AFDN: variants seen among roughly 807,000 people sequenced by gnomAD.
AFDN encodes afadin.
In AFDN, 68 loss-of-function variants were observed where a neutral mutation model predicts 216.6. The ratio of observed to expected loss-of-function variants is 0.31; its 90% CI spans 0.26 to 0.38. The LOEUF is 0.38. AFDN is among the 10% of genes least tolerant of loss of function. The pLI, the probability that AFDN is intolerant of heterozygous loss-of-function variation, is 1.00. For missense variants in AFDN, 2,136 were observed against 2,342.0 expected (o/e 0.91, Z 1.82); for synonymous variants, 868 against 853.7 (o/e 1.02, Z -0.29).
In AFDN at chr6:167,827,119, G is replaced by A. The variant is rs1482816078; in HGVS notation, c.-14G>A. ...GCCCCGGCCCCGCGCGGCTGAGGAG[G>A]CGCGGCCAGGACCATGTCGGCGGGC... On this transcript the variant is annotated 5_prime_UTR_variant, in exon 1 of 34. Transcript: ENST00000683244. 1.6e-6 allele frequency: 2 copies of A among 1,248,562 alleles called. No homozygotes were observed. The highest frequency in any genetic ancestry group is 2.8e-5 in the Admixed American group (1 of 35,516). The allele number at this position is 1,248,562 out of a possible 1,614,324, so 77.3% of individuals were successfully genotyped here.
At chr6:167,839,137 C>G (rs561917053) in intron 1 of AFDN, among the ~76,000 whole-genome samples, 17 of 152,198 alleles carry the variant, frequency 1.1e-4, no homozygotes, top group Non-Finnish European at 2.2e-4. Context: ...TCTGATAAAT[C>G]AGTAATGTTA....
At chr6:167,953,293 GA>G (rs2128699281) in intron 30 of AFDN, among the ~76,000 whole-genome samples, 1 of 152,270 alleles carries the variant, frequency 6.6e-6, no homozygotes, top group East Asian at 1.9e-4. Context: ...ACCTCACAAT[GA>G]AATTTAACCT....
At chr6:167,921,802 A>G (rs2128497654) in intron 21 of AFDN, among the ~76,000 whole-genome samples, 1 of 146,634 alleles carries the variant, frequency 6.8e-6, no homozygotes, top group Non-Finnish European at 1.5e-5. Flanking sequence ...ATAGTGATTT[A>G]AAAAATAAAA....
At chr6:167,916,188 C>A (rs973156858) in intron 19 of AFDN, among the ~76,000 whole-genome samples, 1 of 152,192 alleles carries the variant, frequency 6.6e-6, no homozygotes, top group Admixed American at 6.5e-5. Context: ...CATCCCAGTC[C>A]CTGCCTTTGT....
chr6:167,838,611 T>G (rs975383120), intron 1 of AFDN, among the ~76,000 whole-genome samples: 2 of 152,214 alleles, frequency 1.3e-5, no homozygotes, highest in African/African-American at 2.4e-5. Flanking sequence ...CAACAGTTCC[T>G]CAACATCTAC....
chr6:167,959,007 T>C (rs1462981746), intron 30 of AFDN, among the ~76,000 whole-genome samples: 2 of 152,358 alleles, frequency 1.3e-5, no homozygotes, highest in South Asian at 2.1e-4. Context: ...AGAAGAAATA[T>C]GTATTAAAAC....
intron 26 of AFDN, among the ~76,000 whole-genome samples, chr6:167,944,410 GAAT>G (rs777499632): frequency 1.2e-4 from 18 of 152,144 alleles, no homozygotes; most frequent in Non-Finnish European, 2.4e-4. Context: ...ACTAAAGAAT[GAAT>G]GAATGGATTT....
At chr6:167,904,203 C>G (rs1266779662) in intron 12 of AFDN, among the ~76,000 whole-genome samples, 2 of 151,050 alleles carry the variant, frequency 1.3e-5, no homozygotes, top group Non-Finnish European at 3.0e-5. Flanking sequence ...ACGCATATCT[C>G]TCTCTCTTTT....
At position 167,951,667 on chromosome 6, in the gene AFDN, A is replaced by G; in HGVS notation, c.4313A>G (p.Glu1438Gly). Residue 1438 changes from glutamate (E) to glycine (G), a missense_variant, in exon 30 of 34, where the codon GAG becomes GGG. By Grantham distance (98) the Glu-to-Gly change is moderately conservative (BLOSUM62 -2). Transcript: ENST00000683244. The surrounding 1 kb of genome is among the most constrained non-coding windows in gnomAD (Gnocchi z 7.1). ...AAGGCCCGCCTGGAGGAGGAGCGGG[A>G]GAGGAAGCGGAGAGAGCAGGAGAGG... ...KEKARLEEER[E>G]RKRREQERKL... 6.2e-7 allele frequency: 1 copy of G among 1,613,932 alleles called. No individual in the cohort carries two copies. Among genetic ancestry groups the G allele is most frequent in the Non-Finnish European group, 8.5e-7 (1 of 1,179,942 alleles).
chr6:167,923,228 A>G (rs1008215552), intron 22 of AFDN: 5 of 263,612 alleles, frequency 1.9e-5, no homozygotes, highest in African/African-American at 2.2e-5. Flanking sequence ...GTCTTAATAC[A>G]TATTTTAAAA....
intron 18 of AFDN, among the ~76,000 whole-genome samples, 154 bp from the exon 19 acceptor site, chr6:167,915,014 T>A (rs77806498): frequency 0.01 from 1,591 of 152,368 alleles, 33 homozygotes; most frequent in African/African-American, 0.036. Flanking sequence ...TTTAAGATCA[T>A]GTCACTGTTT....
intron 1 of AFDN, among the ~76,000 whole-genome samples, chr6:167,842,480 C>T (rs951099780): frequency 6.6e-6 from 1 of 152,096 alleles, no homozygotes; most frequent in Non-Finnish European, 1.5e-5. Context: ...ACATAATATA[C>T]TTAGCATTTA....
chr6:167,870,547 G>C (rs748337453), intron 3 of AFDN, 49 bp downstream of exon 3: 1 of 1,153,074 alleles, frequency 8.7e-7, no homozygotes, highest in South Asian at 1.5e-5. Flanking sequence ...GGCCAGGTCT[G>C]ACTGATAAAC....
chr6:167,905,736 C>G lies in AFDN; in HGVS notation c.1651-1435C>G, dbSNP rs571141566. Among the ~76,000 whole-genome samples, 11 of 152,154 alleles carry G rather than the reference C, an allele frequency of 7.2e-5. No homozygotes were observed. The East Asian group carries it at 2.1e-3, about 29-fold the overall frequency. ...AATTTCTTTATCCATTGCCCTATTA[C>G]TAGTCATTTATAACAATTTTTTAAT... On this transcript the variant is annotated intron_variant, in intron 12 of 33. Transcript: ENST00000683244.
intron 23 of AFDN, among the ~76,000 whole-genome samples, chr6:167,936,224 A>G (rs1793985484): frequency 6.6e-6 from 1 of 152,232 alleles, no homozygotes; most frequent in Non-Finnish European, 1.5e-5. Context: ...GCCATACTGA[A>G]CAGCACAGTG....
chr6:167,906,260 G>A (rs945282553), intron 12 of AFDN, among the ~76,000 whole-genome samples: 1 of 152,134 alleles, frequency 6.6e-6, no homozygotes, highest in Non-Finnish European at 1.5e-5. Context: ...ACAACAAAAT[G>A]TTATACAGCC....
intron 5 of AFDN, among the ~76,000 whole-genome samples, chr6:167,876,798 G>A (rs1785443261): frequency 6.6e-6 from 1 of 151,962 alleles, no homozygotes; most frequent in African/African-American, 2.4e-5. Flanking sequence ...AAAATAGGAA[G>A]TTTTTGTATG....
At chr6:167,897,866 G>C (rs1028260179) in intron 10 of AFDN, among the ~76,000 whole-genome samples, 2 of 151,752 alleles carry the variant, frequency 1.3e-5, no homozygotes, top group South Asian at 2.1e-4. Context: ...GGATAGTCTC[G>C]ATCTCCTGAC....
At chr6:167,884,475 T>G (rs1284568685) in intron 6 of AFDN, among the ~76,000 whole-genome samples, 1 of 152,246 alleles carries the variant, frequency 6.6e-6, no homozygotes, top group African/African-American at 2.4e-5. Flanking sequence ...TTCCATGGGC[T>G]GCAGAGTGGG....
Sources: allele counts gnomAD v4.1 joint callset (sites outside exome capture counted in the v4.1 genomes callset), GRCh38; gene constraint gnomAD v4.1.1; non-coding constraint Gnocchi (gnomAD v3.1); transcripts MANE v1.5; gene names NCBI Gene and HGNC (gene_info 2026-07-23, HGNC 2026-07-21).